PDILT: variants seen among roughly 807,000 people sequenced by gnomAD.
PDILT encodes the protein protein disulfide-isomerase-like protein of the testis.
PDILT carries 43 observed loss-of-function variants against 53.7 expected under a neutral mutation model. That is an observed-to-expected ratio of 0.80 (90% CI 0.63 to 1.03). The LOEUF (loss-of-function observed/expected upper bound fraction) is 1.03, where lower values mean the gene tolerates loss of function less well. Ranked by LOEUF, PDILT falls within the 50% of genes least tolerant of loss-of-function variation. The probability of loss-of-function intolerance (pLI) is 0.00; values close to 1 mark genes in which losing one functional copy is unlikely to be tolerated. For missense variants in PDILT, 727 were observed against 712.3 expected, an observed-to-expected ratio of 1.02 and a Z score of -0.24; for synonymous variants, 282 against 274.2, an observed-to-expected ratio of 1.03 and a Z score of -0.28.
intron 7 of PDILT, 74 bp downstream of exon 7, chr16:20,372,728 C>A: frequency 1.3e-6 from 2 of 1,528,072 alleles, no homozygotes; most frequent in South Asian, 1.3e-5. Context: ...GCAGGGCAGG[C>A]AAATGGGCTC....
At chr16:20,403,710 A>G (rs531977495) in intron 1 of PDILT, among the ~76,000 whole-genome samples, 1 of 151,836 alleles carries the variant, frequency 6.6e-6, no homozygotes, top group South Asian at 2.1e-4. Context: ...AAAACCGCAC[A>G]CCAGCCAAAC....
At chr16:20,360,387 C>G (rs117597720) in intron 11 of PDILT, among the ~76,000 whole-genome samples, 181 bp downstream of exon 11, 1 of 152,136 alleles carries the variant, frequency 6.6e-6, no homozygotes, top group Non-Finnish European at 1.5e-5. Context: ...TTCTGCTTCC[C>G]ATAGTAAGTG....
intron 3 of PDILT, among the ~76,000 whole-genome samples, chr16:20,378,738 A>T (rs1221126881): frequency 6.6e-6 from 1 of 152,200 alleles, no homozygotes; most frequent in Non-Finnish European, 1.5e-5. Flanking sequence ...TTTGCTGAGA[A>T]TGATGACTTC....
intron 3 of PDILT, among the ~76,000 whole-genome samples, chr16:20,378,389 T>C (rs906050313): frequency 1.3e-5 from 2 of 151,934 alleles, no homozygotes; most frequent in Admixed American, 6.6e-5. Context: ...TACTTCTTCT[T>C]CTCCTTCTTC....
intron 7 of PDILT, among the ~76,000 whole-genome samples, chr16:20,370,585 G>T (rs922729003): frequency 6.6e-6 from 1 of 152,198 alleles, no homozygotes; most frequent in South Asian, 2.1e-4. Flanking sequence ...AGAAAAGTCA[G>T]TGTGGCTTTG....
chr16:20,383,854 T>A (rs1432028213), intron 3 of PDILT, among the ~76,000 whole-genome samples: 1 of 152,224 alleles, frequency 6.6e-6, no homozygotes, highest in African/African-American at 2.4e-5. Flanking sequence ...CCTTCATATA[T>A]GTAACTTTCT....
chr16:20,361,500 A>G (rs531485025), intron 10 of PDILT, among the ~76,000 whole-genome samples: 28 of 152,224 alleles, frequency 1.8e-4, no homozygotes, highest in African/African-American at 6.5e-4. Context: ...CCTCTTTAGG[A>G]AAGTTCAGAA....
rs151053059 is a variant in PDILT at position 20,369,517 on chromosome 16, C to T, written c.1091G>A (p.Arg364His). Residue 364 changes from arginine (R) to histidine (H), a missense_variant, in exon 8 of 12, where the codon CGC (arginine) becomes CAC (histidine). Coordinates refer to ENST00000302451, the MANE Select transcript of PDILT (RefSeq NM_174924.2). ...TGTGGCATTTTTACTCAGGAAGCTG[C>T]GGCCAAATTTCTTGAGGCTTTCGTA... Reference protein sequence around the residue: ...ITYESLKKFGRSFLSKNATKH... With the variant: ...ITYESLKKFGHSFLSKNATKH... 711 of 1,614,104 alleles carry T rather than the reference C, an allele frequency of 4.4e-4. 3 individuals are homozygous for T. Among genetic ancestry groups the T allele is most frequent in the Middle Eastern group, 1.8e-3 (11 of 6,062 alleles).
chr16:20,371,944 T>C (rs1361399534), intron 7 of PDILT, among the ~76,000 whole-genome samples: 2 of 152,218 alleles, frequency 1.3e-5, no homozygotes, highest in Admixed American at 1.3e-4. Flanking sequence ...ACTTGTGTTA[T>C]ATTCTAGTGG....
At chr16:20,374,710 T>C in intron 5 of PDILT, 112 bp downstream of exon 5, 1 of 1,244,126 alleles carries the variant, frequency 8.0e-7, no homozygotes. Context: ...AGTCAACTAG[T>C]CCAATGCCAC....
intron 2 of PDILT, chr16:20,385,943 G>C (rs367956670): frequency 1.3e-5 from 2 of 152,184 alleles, no homozygotes; most frequent in African/African-American, 4.8e-5. Flanking sequence ...CTGGTGGAAC[G>C]TCCTGGAGCT....
intron 9 of PDILT, among the ~76,000 whole-genome samples, chr16:20,365,185 A>G (rs897569378): frequency 2.0e-5 from 3 of 152,218 alleles, no homozygotes; most frequent in African/African-American, 7.2e-5. Context: ...ACAAACAGCC[A>G]TAGGCCTGGG....
intron 2 of PDILT, among the ~76,000 whole-genome samples, chr16:20,393,588 G>T (rs1464199015): frequency 6.6e-6 from 1 of 152,230 alleles, no homozygotes; most frequent in East Asian, 1.9e-4. Context: ...CAGGGGGGCT[G>T]AGTTGTTGAT....
Position 20,366,317 on chromosome 16 carries a change from C to A in PDILT, c.1117-777G>T, listed in dbSNP as rs1374790232. Among the ~76,000 whole-genome samples, 6 of 152,068 alleles carry A rather than the reference C, an allele frequency of 3.9e-5. No homozygotes were observed. In the East Asian group the frequency reaches 1.2e-3, roughly 29 times the overall value. On this transcript the variant is annotated intron_variant, in intron 8 of 11. Transcript: ENST00000302451. The stretch of plus-strand genomic sequence containing the variant: ...ATGCTGTTCCCTCTGGCTGACAGGC[C>A]TCCCCACTCCTGATTCCTACTCTCC...
At chr16:20,390,118 C>T (rs1336513298) in intron 2 of PDILT, among the ~76,000 whole-genome samples, 1 of 152,204 alleles carries the variant, frequency 6.6e-6, no homozygotes, top group Non-Finnish European at 1.5e-5. Context: ...GAATAACCCT[C>T]TGCCCATTCC....
intron 11 of PDILT, among the ~76,000 whole-genome samples, chr16:20,359,903 A>G (rs1458817331): frequency 1.3e-5 from 2 of 152,160 alleles, no homozygotes; most frequent in East Asian, 3.8e-4. Context: ...TGTCCAGGAC[A>G]TTTTCTGGGA....
intron 2 of PDILT, among the ~76,000 whole-genome samples, chr16:20,391,796 A>G (rs944213442): frequency 2.0e-5 from 3 of 152,114 alleles, no homozygotes; most frequent in African/African-American, 7.2e-5. Flanking sequence ...GTGGGAGCAT[A>G]GGAAGGCCTC....
intron 1 of PDILT, 50 bp from the exon 2 acceptor site, chr16:20,399,357 G>C: frequency 6.3e-7 from 1 of 1,581,396 alleles, no homozygotes; most frequent in South Asian, 1.1e-5. Flanking sequence ...AGGTGGTGGA[G>C]CCCCACGTCA....
At chr16:20,385,097 C>T (rs907737232) in intron 2 of PDILT, among the ~76,000 whole-genome samples, 1 of 152,222 alleles carries the variant, frequency 6.6e-6, no homozygotes, top group Non-Finnish European at 1.5e-5. Context: ...GGCAACTTTA[C>T]TCCATCTCTC....
Sources: gnomAD v4.1 joint callset for allele counts (sites outside exome capture counted in the v4.1 genomes callset) on GRCh38, gnomAD v4.1.1 for gene constraint, MANE v1.5 for transcripts, NCBI Gene and HGNC (gene_info 2026-07-23, HGNC 2026-07-21) for gene names.